The following CAST variants were observed in gnomAD, a reference collection of about 807,000 sequenced individuals.
The protein encoded by CAST is calpastatin.
CAST carries 76 observed loss-of-function variants against 119.6 expected under a neutral mutation model. That is an observed-to-expected ratio of 0.64 (90% CI 0.53 to 0.77). The LOEUF (loss-of-function observed/expected upper bound fraction) is 0.77, where lower values mean the gene tolerates loss of function less well. Among genes scored for constraint, CAST ranks in the 30% least tolerant of loss-of-function variants. CAST has a pLI of 0.00. For synonymous variants in CAST, 319 were observed against 331.6 expected (o/e 0.96, Z 0.41); for missense variants, 953 against 946.5 (o/e 1.01, Z -0.09).
At chr5:96,704,457 C>G (rs990531223) in intron 3 of CAST, among the ~76,000 whole-genome samples, 7 of 152,184 alleles carry the variant, frequency 4.6e-5, no homozygotes, top group Non-Finnish European at 1.0e-4. Context: ...ATTTGAATAA[C>G]TTCTGAAAAT....
the CAST span, among the ~76,000 whole-genome samples, chr5:96,328,989 T>G: frequency 6.6e-6 from 1 of 152,256 alleles, no homozygotes; most frequent in African/African-American, 2.4e-5. Flanking sequence ...AAATAATTTA[T>G]GAATTCTTTT....
chr5:96,656,863 T>C (rs1748166564), intron 1 of CAST, among the ~76,000 whole-genome samples: 1 of 152,136 alleles, frequency 6.6e-6, no homozygotes, highest in African/African-American at 2.4e-5. Context: ...AATTCTTATA[T>C]ATTGATTCAA....
chr5:96,562,113 T>G (rs570646174), intron 1 of CAST, among the ~76,000 whole-genome samples: 1 of 152,184 alleles, frequency 6.6e-6, no homozygotes, highest in Admixed American at 6.5e-5. Flanking sequence ...TACATATGTA[T>G]GTAAAATATC....
the CAST span, among the ~76,000 whole-genome samples, chr5:96,253,414 G>C: frequency 6.6e-6 from 1 of 152,074 alleles, no homozygotes; most frequent in Admixed American, 6.6e-5. Flanking sequence ...CCCAGGCGTT[G>C]GTATTGTTTT....
the CAST span, among the ~76,000 whole-genome samples, chr5:96,471,764 C>G: frequency 1.2e-3 from 83 of 70,652 alleles, no homozygotes; most frequent in Middle Eastern, 0.034. Context: ...CAAATGGAGT[C>G]TGTGTGTGTG....
the CAST span, among the ~76,000 whole-genome samples, chr5:96,238,572 G>C: frequency 1.4e-4 from 13 of 91,272 alleles, no homozygotes; most frequent in East Asian, 3.1e-3. Flanking sequence ...TTTTTTTTTT[G>C]TATTTTTAGT....
At chr5:96,763,074 T>C (rs1346177822) in intron 25 of CAST, 3 of 769,630 alleles carry the variant, frequency 3.9e-6, no homozygotes, top group Non-Finnish European at 4.8e-6. Flanking sequence ...TCTCCTTTGG[T>C]TGAGAACAGT....
the CAST span, among the ~76,000 whole-genome samples, chr5:96,026,960 G>A: frequency 6.6e-6 from 1 of 152,042 alleles, no homozygotes; most frequent in Non-Finnish European, 1.5e-5. Context: ...TATAATTCTA[G>A]CAACTCAGGA....
At chr5:96,468,646 C>A in the CAST span, among the ~76,000 whole-genome samples, 4 of 152,136 alleles carry the variant, frequency 2.6e-5, no homozygotes, top group East Asian at 7.7e-4. Context: ...GATTTCAAAA[C>A]CAAAAGTACA....
chr5:96,715,781 C>T (rs1381474536), intron 3 of CAST, among the ~76,000 whole-genome samples: 2 of 152,100 alleles, frequency 1.3e-5, no homozygotes, highest in Admixed American at 1.3e-4. Flanking sequence ...CCGCCTGTAG[C>T]ATTGTATTGT....
chr5:96,580,192 C>T (rs184486033), intron 1 of CAST, among the ~76,000 whole-genome samples: 2 of 152,238 alleles, frequency 1.3e-5, no homozygotes, highest in Admixed American at 6.5e-5. Context: ...CCCTACCACA[C>T]GTCTTTATTA....
the CAST span, among the ~76,000 whole-genome samples, chr5:96,023,995 A>C: frequency 6.6e-6 from 1 of 152,208 alleles, no homozygotes; most frequent in Non-Finnish European, 1.5e-5. Context: ...ATTTCAGAGT[A>C]AGTTCAGCCA....
chr5:96,559,649 G>A (rs536476745), intron 1 of CAST, among the ~76,000 whole-genome samples: 1 of 152,254 alleles, frequency 6.6e-6, no homozygotes, highest in East Asian at 1.9e-4. Context: ...ACTTACAAGG[G>A]ACGTAAAGGA....
At position 96,741,331 on chromosome 5, in the gene CAST, A is replaced by G; in HGVS notation, c.984A>G (p.Thr328=). The change falls in exon 14 of 32, where the codon ACA becomes ACG. Residue 328 remains threonine (T), a synonymous_variant. Coordinates refer to ENST00000675179, the MANE Select transcript of CAST (RefSeq NM_001750.7). ...LSSDFTCGSP[T]AAGKKTEKEE... is the part of the protein sequence containing the mutation. ...CTGACTTCACCTGTGGGTCGCCTAC[A>G]GCTGCTGGAAAGAAAACTGAAAAAG... The G allele has an allele frequency of 6.2e-7, 1 of 1,612,530 alleles. No individual in the cohort carries two copies. Among genetic ancestry groups the G allele is most frequent in the Middle Eastern group, 1.7e-4 (1 of 6,060 alleles).
At chr5:95,981,978 A>T in the CAST span, among the ~76,000 whole-genome samples, 12 of 152,080 alleles carry the variant, frequency 7.9e-5, no homozygotes, top group Admixed American at 2.0e-4. Flanking sequence ...ACTCCCAGAG[A>T]AGGCATGTCA....
the CAST span, among the ~76,000 whole-genome samples, chr5:96,409,992 T>A: frequency 6.8e-4 from 103 of 152,334 alleles, no homozygotes; most frequent in African/African-American, 2.4e-3. Flanking sequence ...TCTAATTAGA[T>A]CATGACCTGC....
chr5:96,196,702 G>T, the CAST span, among the ~76,000 whole-genome samples: 4 of 152,278 alleles, frequency 2.6e-5, no homozygotes, highest in Admixed American at 1.3e-4. Context: ...TACAAGATGA[G>T]GTCAAAAAGA....
the CAST span, among the ~76,000 whole-genome samples, chr5:96,135,912 T>TAA: frequency 1.3e-5 from 2 of 151,886 alleles, no homozygotes; most frequent in Non-Finnish European, 2.9e-5. Flanking sequence ...AATACAAAAA[T>TAA]TACCTGAGCG....
chr5:96,081,853 A>G, the CAST span, among the ~76,000 whole-genome samples: 15 of 152,202 alleles, frequency 9.9e-5, no homozygotes, highest in Non-Finnish European at 1.8e-4. Flanking sequence ...TCTCCATTGT[A>G]AATGATTTCT....
Sources: gnomAD v4.1 joint callset for allele counts (sites outside exome capture counted in the v4.1 genomes callset) on GRCh38, gnomAD v4.1.1 for gene constraint, MANE v1.5 for transcripts, NCBI Gene and HGNC (gene_info 2026-07-23, HGNC 2026-07-21) for gene names.